Variants in TRPM6 observed in about 807,000 individuals in gnomAD.
TRPM6 encodes channel kinase 2.
TRPM6 carries 111 observed loss-of-function variants against 247.6 expected under a neutral mutation model. The observed-to-expected ratio is 0.45, with a 90% CI of 0.38 to 0.52. The LOEUF (loss-of-function observed/expected upper bound fraction) is 0.52. Among genes scored for constraint, TRPM6 ranks in the 20% least tolerant of loss-of-function variants. The pLI, the probability that TRPM6 is intolerant of heterozygous loss-of-function variation, is 0.00. For missense variants in TRPM6, 2,126 were observed against 2,421.5 expected (o/e 0.88, Z 2.56); for synonymous variants, 892 against 853.8 (o/e 1.04, Z -0.78).
chr9:74,863,383 C>A (rs1222178478), intron 1 of TRPM6, among the ~76,000 whole-genome samples: 2 of 152,036 alleles, frequency 1.3e-5, no homozygotes, highest in African/African-American at 2.4e-5. Flanking sequence ...CTGCCACCTG[C>A]CACATGAAGT....
intron 9 of TRPM6, among the ~76,000 whole-genome samples, chr9:74,817,816 G>A (rs1166054278): frequency 6.6e-6 from 1 of 152,058 alleles, no homozygotes; most frequent in Non-Finnish European, 1.5e-5. Flanking sequence ...ATAGTAGAAG[G>A]AGCTATTTTA....
intron 1 of TRPM6, among the ~76,000 whole-genome samples, chr9:74,869,151 G>A (rs562450832): frequency 5.9e-5 from 9 of 152,110 alleles, no homozygotes; most frequent in Non-Finnish European, 1.2e-4. Flanking sequence ...AGAGGAGATA[G>A]GTAGTTAGTG....
At position 74,762,027 on chromosome 9, in the gene TRPM6, C is replaced by A. The variant is rs2118839006; in HGVS notation, c.4644G>T (p.Glu1548Asp). The change falls in exon 26 of 39, where the codon GAG becomes GAT. Residue 1548 changes from glutamate to aspartate, a missense_variant. Physicochemically the swap from Glu to Asp is conservative, Grantham distance 45. This residue lies in a region of TRPM6 where 717 missense variants were observed against 715.9 expected (regional missense o/e 1.00). Coordinates refer to ENST00000360774, the MANE Select transcript of TRPM6 (RefSeq NM_017662.5). The part of the protein sequence containing the change: ...RSHSFRFHKE[E>D]KLMKICKIKN... The stretch of plus-strand genomic sequence containing the variant: ...TAATCTTACAGATCTTCATCAATTT[C>A]TCCTCCTTATGGAATCTAAAACTAT... 1.9e-6 allele frequency: 3 copies of A among 1,614,158 alleles called. No individual in the cohort carries two copies. The South Asian group carries it at 3.3e-5, about 18-fold the overall frequency.
chr9:74,843,561 C>T (rs1830010466), intron 3 of TRPM6, among the ~76,000 whole-genome samples: 1 of 152,054 alleles, frequency 6.6e-6, no homozygotes, highest in South Asian at 2.1e-4. Context: ...GTAATCCCAG[C>T]ACTTTGGGAG....
intron 8 of TRPM6, among the ~76,000 whole-genome samples, chr9:74,820,936 A>G (rs921387577): frequency 1.3e-5 from 2 of 150,392 alleles, no homozygotes; most frequent in Non-Finnish European, 3.0e-5. Context: ...ATGATTTTAG[A>G]AAAGGGAGAG....
intron 20 of TRPM6, 125 bp downstream of exon 20, chr9:74,788,489 G>C: frequency 8.9e-7 from 1 of 1,125,324 alleles, no homozygotes; most frequent in Non-Finnish European, 1.3e-6. Context: ...GTCAAGGTCA[G>C]TGTGTCCTGT....
chr9:74,887,223 G>A (rs1028679584), intron 1 of TRPM6: 1 of 1,270,012 alleles, frequency 7.9e-7, no homozygotes, highest in Non-Finnish European at 9.9e-7. Context: ...GGCGGGGCGG[G>A]TGTTTACCGT....
intron 5 of TRPM6, among the ~76,000 whole-genome samples, chr9:74,834,348 C>T (rs1829645679): frequency 6.6e-6 from 1 of 152,078 alleles, no homozygotes; most frequent in African/African-American, 2.4e-5. Context: ...TTCCTCTGAG[C>T]CCTTTGGGCA....
intron 38 of TRPM6, among the ~76,000 whole-genome samples, chr9:74,725,817 T>C (rs1025442478): frequency 6.6e-6 from 1 of 152,226 alleles, no homozygotes; most frequent in African/African-American, 2.4e-5. Context: ...ATCAGCAGCA[T>C]GAAAACAGAC....
chr9:74,800,208 T>C (rs1828269093), intron 17 of TRPM6, 46 bp downstream of exon 17: 1 of 1,551,492 alleles, frequency 6.4e-7, no homozygotes, highest in Non-Finnish European at 8.9e-7. Flanking sequence ...CAGAATTTTA[T>C]ACAAGACTAA....
chr9:74,844,297 T>A (rs2118223758), intron 3 of TRPM6, among the ~76,000 whole-genome samples: 1 of 152,330 alleles, frequency 6.6e-6, no homozygotes, highest in Non-Finnish European at 1.5e-5. Flanking sequence ...AGACATTGAC[T>A]TCTCTCTAGC....
intron 17 of TRPM6, among the ~76,000 whole-genome samples, 164 bp from the exon 18 acceptor site, chr9:74,797,057 T>C (rs868756897): frequency 1.3e-5 from 2 of 152,226 alleles, no homozygotes; most frequent in South Asian, 2.1e-4. Context: ...ACTTCAGTTC[T>C]AGTGTTTCTC....
At chr9:74,840,354 G>A (rs1829891648) in intron 4 of TRPM6, 117 bp from the exon 5 acceptor site, 2 of 716,130 alleles carry the variant, frequency 2.8e-6, no homozygotes. Context: ...GGAAGTATGT[G>A]GGATCTCTTT....
chr9:74,792,763 T>C lies in TRPM6; in HGVS notation c.2399A>G (p.Tyr800Cys), dbSNP rs374142774. The C allele has an allele frequency of 1.9e-6, 3 of 1,613,712 alleles. No homozygotes were observed. Among genetic ancestry groups the C allele is most frequent in the Non-Finnish European group, 1.7e-6 (2 of 1,179,618 alleles). Residue 800 changes from tyrosine (Y) to cysteine (C), a missense_variant, in exon 19 of 39, where the codon TAT becomes TGT. By Grantham distance (194) the Tyr-to-Cys change is radical. This residue lies in a region of TRPM6 where 1,082 missense variants were observed against 1,307.9 expected (regional missense o/e 0.83). Transcript: ENST00000360774. ...SSKESASVKE[Y>C]DLERGHDEKL... ...CTCATCATGGCCCCTTTCCAAATCA[T>C]ACTCTTTCTATAAAATAAACAAATA...
chr9:74,768,283 A>G (rs931156168), intron 25 of TRPM6, among the ~76,000 whole-genome samples: 3 of 152,138 alleles, frequency 2.0e-5, no homozygotes, highest in Non-Finnish European at 2.9e-5. Flanking sequence ...TTTAACTCTC[A>G]GCTCACTAGG....
intron 36 of TRPM6, among the ~76,000 whole-genome samples, chr9:74,738,088 C>G (rs189041579): frequency 5.9e-5 from 9 of 152,188 alleles, no homozygotes. Flanking sequence ...TAAATGCATG[C>G]CTAAATATTA....
At chr9:74,746,807 A>G (rs1034706406) in intron 31 of TRPM6, among the ~76,000 whole-genome samples, 5 of 151,530 alleles carry the variant, frequency 3.3e-5, no homozygotes, top group Non-Finnish European at 5.9e-5. Context: ...AGGGTAGACC[A>G]AACAGATCAC....
intron 7 of TRPM6, among the ~76,000 whole-genome samples, chr9:74,826,601 C>T (rs1445979533): frequency 2.0e-5 from 3 of 152,108 alleles, no homozygotes; most frequent in African/African-American, 7.2e-5. Context: ...CCCAGTGGTG[C>T]ATGCTGATTC....
chr9:74,846,492 T>G (rs962275652), intron 3 of TRPM6, among the ~76,000 whole-genome samples: 5 of 152,196 alleles, frequency 3.3e-5, no homozygotes, highest in African/African-American at 9.6e-5. Flanking sequence ...TAGATAGGTA[T>G]AGCAGGAACT....
Sources: allele counts gnomAD v4.1 joint callset (sites outside exome capture counted in the v4.1 genomes callset), GRCh38; gene constraint gnomAD v4.1.1; regional missense constraint gnomAD v4.1.1; transcripts MANE v1.5; gene names NCBI Gene and HGNC (gene_info 2026-07-23, HGNC 2026-07-21).